The following LAMA2 variants were observed in gnomAD, a reference collection of about 807,000 sequenced individuals.
LAMA2 encodes the protein laminin subunit alpha-2.
In LAMA2, 269 loss-of-function variants were observed where a neutral mutation model predicts 364.8. The observed-to-expected ratio is 0.74, with a 90% CI of 0.67 to 0.82. LAMA2 has a LOEUF of 0.82. LAMA2 is among the 40% of genes least tolerant of loss of function. The pLI, the probability that LAMA2 is intolerant of heterozygous loss-of-function variation, is 0.00. For missense variants in LAMA2, 3,807 were observed against 3,873.2 expected (o/e 0.98, Z 0.45); for synonymous variants, 1,379 against 1,370.6 (o/e 1.01, Z -0.14).
intron 29 of LAMA2, among the ~76,000 whole-genome samples, chr6:129,338,163 T>C (rs1197580419): frequency 1.3e-5 from 2 of 152,250 alleles, no homozygotes; most frequent in Non-Finnish European, 2.9e-5. Context: ...TTATTTTTAG[T>C]AATGATTATT....
At chr6:129,013,221 G>C (rs1354185192) in intron 1 of LAMA2, among the ~76,000 whole-genome samples, 1 of 152,122 alleles carries the variant, frequency 6.6e-6, no homozygotes, top group East Asian at 1.9e-4. Flanking sequence ...GGATCACGAG[G>C]TCAGGAGATC....
intron 1 of LAMA2, among the ~76,000 whole-genome samples, chr6:128,986,242 T>C (rs527392631): frequency 1.3e-5 from 2 of 152,206 alleles, no homozygotes; most frequent in Non-Finnish European, 2.9e-5. Flanking sequence ...ATGATTCTCA[T>C]GCTTTTCAGT....
intron 3 of LAMA2, among the ~76,000 whole-genome samples, chr6:129,060,456 A>C (rs902310314): frequency 6.6e-6 from 1 of 152,206 alleles, no homozygotes; most frequent in Non-Finnish European, 1.5e-5. Flanking sequence ...GGTGCCTTCT[A>C]TGCTTAATCT....
At chr6:129,266,273 C>G (rs1239585324) in intron 15 of LAMA2, among the ~76,000 whole-genome samples, 1 of 152,108 alleles carries the variant, frequency 6.6e-6, no homozygotes, top group Non-Finnish European at 1.5e-5. Context: ...GTAATCCCCA[C>G]AGATGGAAAA....
chr6:129,154,717 T>A, intron 8 of LAMA2, 34 bp downstream of exon 8: 1 of 1,577,422 alleles, frequency 6.3e-7, no homozygotes, highest in Non-Finnish European at 8.7e-7. Flanking sequence ...AAAGAGTTAT[T>A]TTTTTGCTTT....
At chr6:129,331,119 G>A (rs757673655) in intron 29 of LAMA2, among the ~76,000 whole-genome samples, 2 of 151,884 alleles carry the variant, frequency 1.3e-5, no homozygotes, top group African/African-American at 2.4e-5. Flanking sequence ...TCCATGATTC[G>A]CCTCCTTCGG....
At chr6:129,443,791 A>G (rs987110859) in intron 44 of LAMA2, among the ~76,000 whole-genome samples, 4 of 152,158 alleles carry the variant, frequency 2.6e-5, no homozygotes, top group African/African-American at 9.7e-5. Flanking sequence ...AAAAATAATA[A>G]CAAGAATAAC....
intron 24 of LAMA2, among the ~76,000 whole-genome samples, chr6:129,315,256 A>T (rs1402417044): frequency 6.6e-6 from 1 of 152,164 alleles, no homozygotes; most frequent in Non-Finnish European, 1.5e-5. Context: ...TTAGTGTGAA[A>T]GGCTCCAGTG....
chr6:128,939,233 A>G (rs577053648), intron 1 of LAMA2, among the ~76,000 whole-genome samples: 21 of 152,284 alleles, frequency 1.4e-4, no homozygotes, highest in Admixed American at 3.3e-4. Context: ...ATACTCTTCC[A>G]TCCTTCTGAT....
intron 3 of LAMA2, among the ~76,000 whole-genome samples, chr6:129,070,165 A>C (rs116478808): frequency 7.4e-4 from 113 of 152,232 alleles, no homozygotes; most frequent in African/African-American, 2.6e-3. Context: ...TCTAGTGTAA[A>C]ATGGAGCAAA....
At chr6:129,422,342 A>G (rs1781117448) in intron 40 of LAMA2, among the ~76,000 whole-genome samples, 2 of 152,136 alleles carry the variant, frequency 1.3e-5, no homozygotes, top group Admixed American at 1.3e-4. Flanking sequence ...AAATGCAAGA[A>G]GATAGAAAAT....
chr6:129,251,744 C>T (rs1487592603), intron 13 of LAMA2, among the ~76,000 whole-genome samples: 1 of 152,002 alleles, frequency 6.6e-6, no homozygotes, highest in Non-Finnish European at 1.5e-5. Flanking sequence ...ACCAGACTGG[C>T]CAACATGGCA....
chr6:128,890,092 T>C (rs1260760683), intron 1 of LAMA2, among the ~76,000 whole-genome samples: 1 of 152,158 alleles, frequency 6.6e-6, no homozygotes, highest in African/African-American at 2.4e-5. Context: ...TCTGTATGTG[T>C]AGTCCACTCA....
At chr6:129,290,057 G>C (rs1028981211) in intron 19 of LAMA2, among the ~76,000 whole-genome samples, 2 of 152,022 alleles carry the variant, frequency 1.3e-5, no homozygotes, top group Non-Finnish European at 2.9e-5. Context: ...TTAAATTTGT[G>C]TATATCGTTG....
chr6:129,112,241 G>C (rs1776201460), intron 4 of LAMA2, among the ~76,000 whole-genome samples: 1 of 151,916 alleles, frequency 6.6e-6, no homozygotes, highest in Non-Finnish European at 1.5e-5. Context: ...AAAATTATCA[G>C]AATGATTTAA....
intron 12 of LAMA2, among the ~76,000 whole-genome samples, chr6:129,196,978 C>G (rs1234083663): frequency 6.6e-6 from 1 of 152,096 alleles, no homozygotes; most frequent in Non-Finnish European, 1.5e-5. Context: ...ATTACACATT[C>G]CTCATTATAC....
chr6:129,429,296 A>G (rs1781477394), intron 41 of LAMA2, among the ~76,000 whole-genome samples: 1 of 152,188 alleles, frequency 6.6e-6, no homozygotes, highest in Non-Finnish European at 1.5e-5. Context: ...CAGATGTATA[A>G]ATTTTTGGCA....
chr6:129,202,678 T>C (rs1436878596), intron 12 of LAMA2, among the ~76,000 whole-genome samples: 1 of 152,206 alleles, frequency 6.6e-6, no homozygotes, highest in Non-Finnish European at 1.5e-5. Flanking sequence ...TACAGAGATA[T>C]GTTAAAGTAT....
At chr6:129,376,557 C>G (rs1215392523) in intron 34 of LAMA2, among the ~76,000 whole-genome samples, 2 of 152,190 alleles carry the variant, frequency 1.3e-5, no homozygotes, top group African/African-American at 2.4e-5. Context: ...AAATTCTCCC[C>G]TTGGCCACAT....
Sources: gnomAD v4.1 joint callset for allele counts (sites outside exome capture counted in the v4.1 genomes callset) on GRCh38, gnomAD v4.1.1 for gene constraint, MANE v1.5 for transcripts, NCBI Gene and HGNC (gene_info 2026-07-23, HGNC 2026-07-21) for gene names.